MELK: variants seen among roughly 807,000 people sequenced by gnomAD.
MELK encodes maternal embryonic leucine zipper kinase, also known as pEg3 kinase.
In MELK, 81 loss-of-function variants were observed where a neutral mutation model predicts 85.0. That is an observed-to-expected ratio of 0.95 (90% CI 0.80 to 1.15). The LOEUF is 1.15. Among genes scored for constraint, MELK ranks in the 50% most tolerant of loss-of-function variants. The probability of loss-of-function intolerance (pLI) is 0.00; values close to 1 mark genes in which losing one functional copy is unlikely to be tolerated. For missense variants in MELK, 754 were observed against 777.5 expected (o/e 0.97, Z 0.36); for synonymous variants, 252 against 265.0 (o/e 0.95, Z 0.48).
chr9:36,625,413 G>C (rs772775961), intron 8 of MELK, among the ~76,000 whole-genome samples: 1 of 152,152 alleles, frequency 6.6e-6, no homozygotes, highest in Non-Finnish European at 1.5e-5. Context: ...GCTCAGATAC[G>C]AGAGTGGGGC....
At chr9:36,589,736 TAGAAG>T (rs1587347410) in intron 4 of MELK, 84 bp downstream of exon 4, 1 of 1,017,834 alleles carries the variant, frequency 9.8e-7, no homozygotes, top group Admixed American at 2.0e-5. Context: ...CCTGAAAGAT[TAGAAG>T]AGATGTTAAG....
chr9:36,605,618 C>A (rs1475261205), intron 7 of MELK, among the ~76,000 whole-genome samples: 2 of 151,822 alleles, frequency 1.3e-5, no homozygotes, highest in Non-Finnish European at 2.9e-5. Context: ...TGACCTCCTG[C>A]AACTTGGAAG....
chr9:36,577,389 G>A (rs919865347), intron 1 of MELK, among the ~76,000 whole-genome samples: 1 of 152,074 alleles, frequency 6.6e-6, no homozygotes, highest in East Asian at 1.9e-4. Context: ...GTTGTTGTTC[G>A]CCTGTAGTCC....
intron 8 of MELK, among the ~76,000 whole-genome samples, chr9:36,610,172 G>A (rs1468679086): frequency 2.0e-5 from 3 of 152,160 alleles, no homozygotes; most frequent in Non-Finnish European, 4.4e-5. Context: ...ACAATTAGAT[G>A]AGGAGACTAC....
In MELK at chr9:36,607,612, T is replaced by A; in HGVS notation, c.605T>A (p.Leu202His). ...AGCATGGGCATACTGTTATATGTTC[T>A]TATGTGTGGATTTCTACCATTTGAT... is the stretch of plus-strand genomic sequence containing the variant. ...VWSMGILLYV[L>H]MCGFLPFDDD... Residue 202 changes from leucine (L) to histidine (H), a missense_variant, in exon 8 of 18, where the codon CTT becomes CAT. By Grantham distance (99) the Leu-to-His change is moderately conservative. Transcript: ENST00000298048. 1 of 1,613,184 alleles carries A rather than the reference T, an allele frequency of 6.2e-7. No homozygotes were observed. The highest frequency in any genetic ancestry group is 8.5e-7 in the Non-Finnish European group (1 of 1,179,178).
intron 10 of MELK, among the ~76,000 whole-genome samples, chr9:36,633,490 T>C (rs1260081655): frequency 6.6e-6 from 1 of 152,164 alleles, no homozygotes; most frequent in Admixed American, 6.6e-5. Context: ...TCTGGGAATC[T>C]TGGACAAGTT....
chr9:36,652,900 A>G (rs76164748), intron 12 of MELK, among the ~76,000 whole-genome samples: 4,430 of 152,196 alleles, frequency 0.029, 218 homozygotes, highest in African/African-American at 0.1. Context: ...TTTAAAGGAC[A>G]CATTATTGAA....
At chr9:36,662,983 A>T (rs1203137346) in intron 13 of MELK, among the ~76,000 whole-genome samples, 1 of 151,994 alleles carries the variant, frequency 6.6e-6, no homozygotes, top group Non-Finnish European at 1.5e-5. Context: ...TTCATGATTC[A>T]TCATGCTTTC....
chr9:36,597,004 T>TAAA (rs1564139696), intron 5 of MELK, among the ~76,000 whole-genome samples: 1 of 152,176 alleles, frequency 6.6e-6, no homozygotes, highest in Non-Finnish European at 1.5e-5. Context: ...TTAATTAATT[T>TAAA]ATTTATTTTT....
At chr9:36,673,261 A>G (rs966343030) in intron 16 of MELK, among the ~76,000 whole-genome samples, 4 of 152,198 alleles carry the variant, frequency 2.6e-5, no homozygotes, top group African/African-American at 7.2e-5. Context: ...GAACCAAGAA[A>G]GAGAGGGTCC....
At chr9:36,629,420 C>T (rs2250340) in intron 8 of MELK, among the ~76,000 whole-genome samples, 14,760 of 152,100 alleles carry the variant, frequency 0.097, 764 homozygotes, top group Middle Eastern at 0.15. Flanking sequence ...GACTTGGTGG[C>T]CATAATTTCT....
chr9:36,652,037 C>A, intron 12 of MELK, among the ~76,000 whole-genome samples, 160 bp downstream of exon 12: 1 of 118,368 alleles, frequency 8.4e-6, no homozygotes, highest in Non-Finnish European at 1.7e-5. Context: ...TGAAGTTGAA[C>A]TCTAATTTTT....
chr9:36,673,931 G>A (rs957882134), intron 16 of MELK, among the ~76,000 whole-genome samples: 2 of 152,064 alleles, frequency 1.3e-5, no homozygotes, highest in Non-Finnish European at 2.9e-5. Flanking sequence ...TTATCCATGT[G>A]CCACCCAGAA....
At chr9:36,653,092 T>C (rs1300064473) in intron 12 of MELK, among the ~76,000 whole-genome samples, 1 of 152,258 alleles carries the variant, frequency 6.6e-6, no homozygotes, top group Non-Finnish European at 1.5e-5. Context: ...ATAACCAAAT[T>C]ATTTTTCTCT....
At chr9:36,611,961 C>T (rs558324190) in intron 8 of MELK, among the ~76,000 whole-genome samples, 5 of 151,450 alleles carry the variant, frequency 3.3e-5, no homozygotes, top group Admixed American at 2.6e-4. Flanking sequence ...TTAGTAGAGA[C>T]GGGGTTTCAC....
intron 8 of MELK, among the ~76,000 whole-genome samples, chr9:36,629,463 A>T (rs944429171): frequency 4.6e-5 from 7 of 152,172 alleles, no homozygotes; most frequent in African/African-American, 1.7e-4. Flanking sequence ...TTGCCTTCTT[A>T]GTCTCTTTTA....
intron 8 of MELK, among the ~76,000 whole-genome samples, chr9:36,627,424 G>C (rs761849140): frequency 6.6e-6 from 1 of 151,970 alleles, no homozygotes. Context: ...AGGAAGAACA[G>C]TAGCTTTCAT....
At position 36,675,011 on chromosome 9, in the gene MELK, C is replaced by T. The variant is rs769720982; in HGVS notation, c.1778+74C>T. The T allele has an allele frequency of 2.2e-4, 244 of 1,099,850 alleles. No individual in the cohort carries two copies. In the South Asian group the frequency reaches 2.7e-3, roughly 12 times the overall value. The allele number at this position is 1,099,850 out of a possible 1,614,324, so 68.1% of individuals were successfully genotyped here. A position where few individuals can be genotyped will look rare whatever the true frequency, so the allele number is the denominator to read the frequency against. ...TTTGAGAAAATAGGAGTTGGTTGGG[C>T]GCGGTGGCTCACGCCTGTAATCCCA... On this transcript the variant is annotated intron_variant, in intron 17 of 17. Transcript: ENST00000298048.
chr9:36,642,482 G>A (rs568089210), intron 10 of MELK, among the ~76,000 whole-genome samples: 1 of 141,002 alleles, frequency 7.1e-6, no homozygotes, highest in East Asian at 2.1e-4. Flanking sequence ...AGGCTGGAGT[G>A]CAGTGGCACA....
Sources: gnomAD v4.1 joint callset for allele counts (sites outside exome capture counted in the v4.1 genomes callset) on GRCh38, gnomAD v4.1.1 for gene constraint, MANE v1.5 for transcripts, NCBI Gene and HGNC (gene_info 2026-07-23, HGNC 2026-07-21) for gene names.